The following PRKACB variants were observed in gnomAD, a reference collection of about 807,000 sequenced individuals.
The protein encoded by PRKACB is protein kinase cAMP-activated catalytic subunit beta.
Under a neutral mutation model 51.4 loss-of-function variants are expected in PRKACB, and 16 were observed. The observed-to-expected ratio is 0.31, with a 90% confidence interval of 0.21 to 0.47. The LOEUF is 0.47. Ranked by LOEUF, PRKACB falls within the 20% of genes least tolerant of loss-of-function variation. The probability of loss-of-function intolerance (pLI) is 1.00; values close to 1 mark genes in which losing one functional copy is unlikely to be tolerated. For synonymous variants in PRKACB, 147 were observed against 154.4 expected (o/e 0.95, Z 0.35); for missense variants, 309 against 464.5 (o/e 0.67, Z 3.08).
intron 9 of PRKACB, among the ~76,000 whole-genome samples, chr1:84,223,682 T>C (rs1674119300): frequency 6.6e-6 from 1 of 152,198 alleles, no homozygotes; most frequent in African/African-American, 2.4e-5. Flanking sequence ...TTGGTTCTTT[T>C]TTATGCTATC....
chr1:84,161,346 T>TCTCTCG, intron 1 of PRKACB, among the ~76,000 whole-genome samples: 1 of 152,026 alleles, frequency 6.6e-6, no homozygotes, highest in South Asian at 2.1e-4. Flanking sequence ...TTAGCCTATT[T>TCTCTCG]ATATCTATGA....
At chr1:84,180,234 TA>T (rs1662952680) in intron 2 of PRKACB, among the ~76,000 whole-genome samples, 1 of 90,750 alleles carries the variant, frequency 1.1e-5, no homozygotes, top group African/African-American at 3.5e-5. Context: ...TATGCAGCCA[TA>T]AAAAAGAATG....
chr1:84,202,888 A>G (rs1670529619), intron 8 of PRKACB, 83 bp downstream of exon 8: 8 of 1,195,132 alleles, frequency 6.7e-6, no homozygotes. Flanking sequence ...TTGTGTCATA[A>G]TTATTATTCT....
At chr1:84,083,818 C>A (rs1177647742) in intron 1 of PRKACB, among the ~76,000 whole-genome samples, 1 of 151,996 alleles carries the variant, frequency 6.6e-6, no homozygotes, top group Non-Finnish European at 1.5e-5. Flanking sequence ...GGTATTTAAT[C>A]TTACTTTTAA....
At chr1:84,166,860 C>CA (rs1324746447) in intron 1 of PRKACB, among the ~76,000 whole-genome samples, 1 of 151,460 alleles carries the variant, frequency 6.6e-6, no homozygotes, top group Non-Finnish European at 1.5e-5. Flanking sequence ...ACATTTTCTC[C>CA]AAAAAATCTC....
chr1:84,183,619 A>G (rs149611204), intron 3 of PRKACB, among the ~76,000 whole-genome samples: 7 of 151,978 alleles, frequency 4.6e-5, no homozygotes, highest in African/African-American at 1.7e-4. Context: ...CAGCTTTTAT[A>G]GAGGACTTTA....
intron 5 of PRKACB, among the ~76,000 whole-genome samples, chr1:84,192,983 T>A (rs1667224718): frequency 6.6e-6 from 1 of 152,074 alleles, no homozygotes; most frequent in Admixed American, 6.6e-5. Flanking sequence ...ATAAAGTATG[T>A]CCTTACCAGG....
At chr1:84,127,117 T>C (rs1651686455) in intron 1 of PRKACB, among the ~76,000 whole-genome samples, 1 of 152,210 alleles carries the variant, frequency 6.6e-6, no homozygotes, top group Non-Finnish European at 1.5e-5. Flanking sequence ...GTTCCTCTTT[T>C]CTTTGTACTT....
intron 1 of PRKACB, among the ~76,000 whole-genome samples, chr1:84,136,571 T>C (rs1652847172): frequency 6.6e-6 from 1 of 151,756 alleles, no homozygotes; most frequent in African/African-American, 2.4e-5. Flanking sequence ...TAAACTCTTT[T>C]TCGTTGCTGG....
intron 9 of PRKACB, among the ~76,000 whole-genome samples, chr1:84,224,854 G>A (rs181265563): frequency 5.9e-5 from 9 of 152,332 alleles, no homozygotes; most frequent in Non-Finnish European, 1.2e-4. Context: ...TGTGGGAGGT[G>A]CCACCAGGCA....
chr1:84,141,216 T>C (rs188128247), upstream of PRKACB, among the ~76,000 whole-genome samples: 5 of 152,228 alleles, frequency 3.3e-5, no homozygotes, highest in East Asian at 9.6e-4. Context: ...GCTATTCTGG[T>C]AAATTCTCGG....
At chr1:84,088,885 G>T (rs529698847) in intron 1 of PRKACB, among the ~76,000 whole-genome samples, 2 of 152,288 alleles carry the variant, frequency 1.3e-5, no homozygotes, top group South Asian at 2.1e-4. Context: ...ATACATAGGT[G>T]CCTGAGATTA....
At chr1:84,198,956 T>TG (rs1215578667) in intron 7 of PRKACB, among the ~76,000 whole-genome samples, 2 of 147,150 alleles carry the variant, frequency 1.4e-5, no homozygotes, top group Non-Finnish European at 3.0e-5. Flanking sequence ...TACATATATA[T>TG]TCATATATAT....
intron 8 of PRKACB, among the ~76,000 whole-genome samples, chr1:84,211,315 T>C (rs1455244306): frequency 1.3e-5 from 2 of 152,202 alleles, no homozygotes; most frequent in African/African-American, 2.4e-5. Context: ...ATGAAAGAGA[T>C]AACTGGTACA....
At chr1:84,138,923 G>T (rs1653109335) in intron 1 of PRKACB, among the ~76,000 whole-genome samples, 1 of 151,830 alleles carries the variant, frequency 6.6e-6, no homozygotes, top group Admixed American at 6.6e-5. Context: ...TAGACTAAAA[G>T]GTAAAAACCA....
chr1:84,104,484 T>C (rs1649583484), intron 1 of PRKACB, among the ~76,000 whole-genome samples: 1 of 152,142 alleles, frequency 6.6e-6, no homozygotes, highest in Non-Finnish European at 1.5e-5. Flanking sequence ...TTTCCTTCCG[T>C]TTGCATTAAT....
At chr1:84,120,740 TTGC>T (rs1297293330) in intron 1 of PRKACB, among the ~76,000 whole-genome samples, 1 of 152,122 alleles carries the variant, frequency 6.6e-6, no homozygotes, top group Non-Finnish European at 1.5e-5. Context: ...CATAGTTTAA[TTGC>T]TGTACATTTT....
At chr1:84,173,439 A>T in intron 1 of PRKACB, 1 of 1,168,974 alleles carries the variant, frequency 8.6e-7, no homozygotes, top group Non-Finnish European at 1.2e-6. Context: ...TGGCAATTAG[A>T]ATATTTTGTG....
At chr1:84,123,005 G>T (rs912330873) in intron 1 of PRKACB, among the ~76,000 whole-genome samples, 43 of 152,114 alleles carry the variant, frequency 2.8e-4, no homozygotes, top group African/African-American at 9.7e-4. Flanking sequence ...GGCTGACTCC[G>T]TAGCTTATAA....
Sources: allele counts gnomAD v4.1 joint callset (sites outside exome capture counted in the v4.1 genomes callset), GRCh38; gene constraint gnomAD v4.1.1; transcripts MANE v1.5; gene names NCBI Gene and HGNC (gene_info 2026-07-23, HGNC 2026-07-21).